Variants in MYRFL observed in about 807,000 individuals in gnomAD.
The protein encoded by MYRFL is myelin regulatory factor-like protein.
A neutral mutation model predicts 109.4 loss-of-function variants in MYRFL; 88 were observed. The ratio of observed to expected loss-of-function variants is 0.80; its 90% confidence interval spans 0.68 to 0.96. The LOEUF (loss-of-function observed/expected upper bound fraction) is 0.96. Ranked by LOEUF, MYRFL falls within the 40% of genes least tolerant of loss-of-function variation. MYRFL has a pLI of 0.00. For missense variants in MYRFL, 957 were observed against 954.9 expected, an observed-to-expected ratio of 1.00 and a Z score of -0.03; for synonymous variants, 324 against 320.9, an observed-to-expected ratio of 1.01 and a Z score of -0.10.
chr12:69,894,736 T>C (rs1005671518), intron 8 of MYRFL, among the ~76,000 whole-genome samples: 7 of 152,258 alleles, frequency 4.6e-5, no homozygotes, highest in Non-Finnish European at 1.0e-4. Flanking sequence ...ATTTGCTTTC[T>C]GACTGGTTTG....
At chr12:69,864,687 A>C (rs1884909679) in intron 2 of MYRFL, among the ~76,000 whole-genome samples, 1 of 146,032 alleles carries the variant, frequency 6.8e-6, no homozygotes, top group East Asian at 2.0e-4. Context: ...ACACACACAC[A>C]CAGAGCTAGT....
At chr12:69,952,703 C>G in intron 20 of MYRFL, 96 bp from the exon 21 acceptor site, 1 of 838,598 alleles carries the variant, frequency 1.2e-6, no homozygotes, top group Non-Finnish European at 1.8e-6. Context: ...GAAACTCTTA[C>G]TTCCCATTCT....
chr12:69,880,957 T>TTTTTTTTC, intron 5 of MYRFL, among the ~76,000 whole-genome samples: 2 of 147,192 alleles, frequency 1.4e-5, no homozygotes. Context: ...TCCTGTTTTT[T>TTTTTTTTC]TTTTTTTTTT....
chr12:69,868,029 G>C (rs1885109340), intron 2 of MYRFL, among the ~76,000 whole-genome samples: 1 of 151,916 alleles, frequency 6.6e-6, no homozygotes, highest in African/African-American at 2.4e-5. Flanking sequence ...TAGACCATCT[G>C]ACTCCAGCTC....
chr12:69,882,236 A>G (rs1215026494), intron 5 of MYRFL, among the ~76,000 whole-genome samples: 1 of 152,166 alleles, frequency 6.6e-6, no homozygotes, highest in East Asian at 1.9e-4. Context: ...TGAAAAGCTG[A>G]CTAAAGATAA....
rs1956011817 is a variant in MYRFL, at chr12:69,952,800, G to T, written c.2289G>T (p.Trp763Cys). Reference sequence around the variant, plus strand: ...TTTGTCTATTTCTTCTCAATTCAGGGATTGATACAACCATCAGTTCTATTC... The same window carrying T: ...TTTGTCTATTTCTTCTCAATTCAGGTATTGATACAACCATCAGTTCTATTC... The part of the protein sequence containing the change: ...ALSGPDWESD[W>C]IDTTISSIQI... The change falls in exon 21 of 25, where the codon TGG becomes TGT. Residue 763 changes from tryptophan (W) to cysteine (C), a missense_variant and splice_region_variant. Physicochemically the swap from Trp to Cys is radical, Grantham distance 215. Coordinates refer to ENST00000552032, the MANE Select transcript of MYRFL (RefSeq NM_182530.3). 2.6e-6 allele frequency: 4 copies of T among 1,521,584 alleles called. No individual in the cohort carries two copies. The African/African-American group carries it at 5.5e-5, about 21-fold the overall frequency. 94.3% of individuals were successfully genotyped at this position (1,521,584 alleles called of 1,614,324 possible).
At chr12:69,935,967 G>T in intron 16 of MYRFL, 146 bp from the exon 17 acceptor site, 1 of 886,056 alleles carries the variant, frequency 1.1e-6, no homozygotes, top group African/African-American at 1.7e-5. Context: ...TGGTGTTTCT[G>T]TCAGCCGTGG....
intron 2 of MYRFL, among the ~76,000 whole-genome samples, chr12:69,857,925 T>C (rs1884398815): frequency 6.6e-6 from 1 of 151,848 alleles, no homozygotes; most frequent in Non-Finnish European, 1.5e-5. Context: ...AGACTAGACA[T>C]ATTTGCCTTG....
chr12:69,854,917 A>T (rs971204609), intron 1 of MYRFL, among the ~76,000 whole-genome samples: 2 of 152,230 alleles, frequency 1.3e-5, no homozygotes, highest in Non-Finnish European at 2.9e-5. Flanking sequence ...ATTCTATAAA[A>T]ATATCAACAT....
At chr12:69,923,830 T>C (rs1042997330) in intron 13 of MYRFL, among the ~76,000 whole-genome samples, 5 of 152,192 alleles carry the variant, frequency 3.3e-5, no homozygotes, top group African/African-American at 1.2e-4. Context: ...TTATTTGTTT[T>C]ATTTTGCCTT....
intron 11 of MYRFL, among the ~76,000 whole-genome samples, chr12:69,909,561 AT>A (rs1340592485): frequency 6.6e-6 from 1 of 152,216 alleles, no homozygotes; most frequent in African/African-American, 2.4e-5. Context: ...TAAAAAAAAA[AT>A]TCTGCTATTA....
At chr12:69,870,458 G>C (rs1351104754) in intron 2 of MYRFL, among the ~76,000 whole-genome samples, 1 of 152,040 alleles carries the variant, frequency 6.6e-6, no homozygotes, top group African/African-American at 2.4e-5. Flanking sequence ...AATCCTTTTG[G>C]TATAATAGAC....
intron 1 of MYRFL, among the ~76,000 whole-genome samples, chr12:69,842,139 A>G (rs1883282240): frequency 5.3e-5 from 8 of 152,166 alleles, no homozygotes; most frequent in Non-Finnish European, 1.5e-5. Context: ...CCTGGCCCAT[A>G]TCACATGTCC....
chr12:69,927,349 A>G (rs1402092516), intron 14 of MYRFL, among the ~76,000 whole-genome samples: 1 of 151,808 alleles, frequency 6.6e-6, no homozygotes, highest in Admixed American at 6.7e-5. Flanking sequence ...TCCTTTAATG[A>G]GGAGAAGTGG....
chr12:69,870,088 G>C (rs1439339680), intron 2 of MYRFL, among the ~76,000 whole-genome samples: 1 of 119,358 alleles, frequency 8.4e-6, no homozygotes, highest in Non-Finnish European at 1.7e-5. Context: ...AGAATCTCTT[G>C]ATTTTTCTTC....
At chr12:69,892,126 T>TGAA (rs1886952702) in intron 7 of MYRFL, among the ~76,000 whole-genome samples, 1 of 152,330 alleles carries the variant, frequency 6.6e-6, no homozygotes, top group Non-Finnish European at 1.5e-5. Flanking sequence ...CATTTTCATA[T>TGAA]GAAGTAGATT....
chr12:69,935,929 C>A, intron 16 of MYRFL, 184 bp from the exon 17 acceptor site: 1 of 667,262 alleles, frequency 1.5e-6, no homozygotes, highest in Non-Finnish European at 2.5e-6. Flanking sequence ...CTCTCCAGGG[C>A]AGAAAAGCAT....
At chr12:69,844,512 C>T (rs757816730) in intron 1 of MYRFL, among the ~76,000 whole-genome samples, 4 of 152,182 alleles carry the variant, frequency 2.6e-5, no homozygotes, top group Non-Finnish European at 4.4e-5. Context: ...GTCGGCTTGC[C>T]CTAAGCCCAG....
intron 1 of MYRFL, among the ~76,000 whole-genome samples, chr12:69,837,193 CAG>C (rs1390276381): frequency 2.0e-5 from 3 of 152,168 alleles, no homozygotes; most frequent in African/African-American, 7.2e-5. Flanking sequence ...CAGGGAAAGA[CAG>C]GTATTGGCCC....
Sources: allele counts gnomAD v4.1 joint callset (sites outside exome capture counted in the v4.1 genomes callset), GRCh38; gene constraint gnomAD v4.1.1; transcripts MANE v1.5; gene names NCBI Gene and HGNC (gene_info 2026-07-23, HGNC 2026-07-21).